HOMER2: variants seen among roughly 807,000 people sequenced by gnomAD.
The protein encoded by HOMER2 is homer scaffold protein 2.
HOMER2 carries 27 observed loss-of-function variants against 47.0 expected under a neutral mutation model. That is an observed-to-expected ratio of 0.57 (90% CI 0.42 to 0.79). The LOEUF is 0.79. Among genes scored for constraint, HOMER2 ranks in the 30% least tolerant of loss-of-function variants. HOMER2 has a pLI of 0.00. For missense variants in HOMER2, 443 were observed against 435.0 expected, an observed-to-expected ratio of 1.02 and a Z score of -0.16; for synonymous variants, 161 against 163.8, an observed-to-expected ratio of 0.98 and a Z score of 0.13.
chr15:82,935,077 G>GC (rs201422289), intron 1 of HOMER2, among the ~76,000 whole-genome samples: 2,441 of 152,082 alleles, frequency 0.016, 35 homozygotes, highest in African/African-American at 0.031. Flanking sequence ...GGGCTCCTCT[G>GC]CCCCCCGCCT....
Position 82,864,318 on chromosome 15 carries a change from G to A in HOMER2, c.295-59C>T, listed in dbSNP as rs962729928. The stretch of plus-strand genomic sequence containing the variant: ...TAACCTCACTCATGGCTGGTATTCA[G>A]AACCCACCTTTATTTATTTTGCATC... On this transcript the variant is annotated intron_variant, in intron 3 of 8. Transcript: ENST00000450735. 1.8e-5 allele frequency: 20 copies of A among 1,130,058 alleles called. No individual in the cohort carries two copies. The South Asian group carries it at 2.5e-4, about 14-fold the overall frequency. The allele number at this position is 1,130,058 out of a possible 1,614,324, so 70.0% of individuals were successfully genotyped here. A position where few individuals can be genotyped will look rare whatever the true frequency, so the allele number is the denominator to read the frequency against.
At chr15:82,901,466 T>A (rs947747217) in intron 1 of HOMER2, among the ~76,000 whole-genome samples, 2 of 152,164 alleles carry the variant, frequency 1.3e-5, no homozygotes, top group Admixed American at 6.5e-5. Context: ...ACAGCACCCC[T>A]GAACCCCTGC....
intron 1 of HOMER2, among the ~76,000 whole-genome samples, chr15:82,935,127 C>A (rs1037922088): frequency 2.6e-5 from 4 of 152,212 alleles, no homozygotes; most frequent in African/African-American, 9.6e-5. Context: ...CCTGCTGCAT[C>A]TCCTGCCTTC....
At chr15:82,945,978 T>TA (rs947562494) in intron 1 of HOMER2, among the ~76,000 whole-genome samples, 235 of 136,696 alleles carry the variant, frequency 1.7e-3, no homozygotes, top group African/African-American at 4.3e-3. Flanking sequence ...TCAAAAACAT[T>TA]AAAAAAAAAA....
rs1178780121 is a variant in HOMER2 at position 82,849,223 on chromosome 15, T to G, written c.*492A>C. ...CTTGTTTTCCATCTCTCAGAAAGTT[T>G]CCACTAAACAGTTGTTTTAAAGCCT... On this transcript the variant is annotated 3_prime_UTR_variant, in exon 9 of 9. Coordinates refer to ENST00000450735, the MANE Select transcript of HOMER2 (RefSeq NM_004839.4). 1 of 152,374 alleles carries G rather than the reference T, an allele frequency of 6.6e-6. No homozygotes were observed. The highest frequency in any genetic ancestry group is 1.5e-5 in the Non-Finnish European group (1 of 68,382). The allele number at this position is 152,374 out of a possible 1,614,324, so 9.4% of individuals were successfully genotyped here.
At chr15:82,852,060 T>C (rs1276999172) in intron 7 of HOMER2, 82 bp downstream of exon 7, 1 of 878,358 alleles carries the variant, frequency 1.1e-6, no homozygotes, top group African/African-American at 1.7e-5. Context: ...GGGCCAGTCA[T>C]AGGCCCCAAG....
chr15:82,854,496 G>C, intron 6 of HOMER2, 148 bp downstream of exon 6: 1 of 693,490 alleles, frequency 1.4e-6, no homozygotes, highest in East Asian at 2.8e-5. Context: ...GGAGGGGGAG[G>C]GACGTTCCCA....
chr15:82,864,411 T>G (rs2051896407), intron 3 of HOMER2, among the ~76,000 whole-genome samples, 152 bp from the exon 4 acceptor site: 1 of 152,228 alleles, frequency 6.6e-6, no homozygotes, highest in Non-Finnish European at 1.5e-5. Context: ...AATATAAGGA[T>G]GTATATTCCA....
intron 1 of HOMER2, among the ~76,000 whole-genome samples, chr15:82,914,178 TACACACACACACACACACACACAC>T (rs58323062): frequency 4.3e-5 from 5 of 116,758 alleles, no homozygotes; most frequent in East Asian, 2.7e-4. Flanking sequence ...CTACTAAAAA[TACACACACACACACACACACACAC>T]ACACACACAC....
intron 1 of HOMER2, among the ~76,000 whole-genome samples, chr15:82,963,170 G>C (rs2054646154): frequency 6.6e-6 from 1 of 152,126 alleles, no homozygotes; most frequent in Non-Finnish European, 1.5e-5. Flanking sequence ...CTGCAGCCTT[G>C]AACACCTGGG....
At chr15:82,940,476 G>C (rs901349662) in intron 1 of HOMER2, among the ~76,000 whole-genome samples, 3 of 152,180 alleles carry the variant, frequency 2.0e-5, no homozygotes, top group African/African-American at 7.2e-5. Flanking sequence ...GGGCGTGGTG[G>C]GTCACGCCTG....
downstream of HOMER2, chr15:82,844,752 C>T (rs894864701): frequency 6.6e-6 from 1 of 152,206 alleles, no homozygotes; most frequent in East Asian, 1.9e-4. Flanking sequence ...CCACTCCACT[C>T]TTCTCATTAA....
chr15:82,905,905 T>TA, intron 1 of HOMER2, among the ~76,000 whole-genome samples: 1 of 152,314 alleles, frequency 6.6e-6, no homozygotes, highest in East Asian at 1.9e-4. Context: ...GAAGGTAGCA[T>TA]AAAAACTTTT....
chr15:82,878,869 C>G (rs955243164), intron 2 of HOMER2, among the ~76,000 whole-genome samples: 5 of 152,222 alleles, frequency 3.3e-5, no homozygotes. Context: ...CTCAACCAAT[C>G]CATCTGCCTC....
chr15:82,957,253 C>T (rs1193602168), upstream of HOMER2, among the ~76,000 whole-genome samples: 3 of 147,238 alleles, frequency 2.0e-5, no homozygotes, highest in South Asian at 2.1e-4. Flanking sequence ...CACTCTAGCA[C>T]GGGCAACAGA....
chr15:82,871,276 G>A (rs368640015), intron 3 of HOMER2, among the ~76,000 whole-genome samples: 26 of 152,298 alleles, frequency 1.7e-4, no homozygotes, highest in Non-Finnish European at 3.5e-4. Flanking sequence ...TTTCTTTCTG[G>A]GGGGTAGAGA....
At chr15:82,967,879 GA>G (rs71156063) in intron 1 of HOMER2, among the ~76,000 whole-genome samples, 7 of 141,992 alleles carry the variant, frequency 4.9e-5, no homozygotes, top group South Asian at 2.5e-4. Context: ...TCTGTCTCAG[GA>G]AAAAAAAAAC....
At chr15:82,870,189 G>A (rs1467679733) in intron 3 of HOMER2, among the ~76,000 whole-genome samples, 1 of 152,150 alleles carries the variant, frequency 6.6e-6, no homozygotes, top group Non-Finnish European at 1.5e-5. Context: ...TTCTTTTCCC[G>A]TAGCTTAACA....
chr15:82,927,133 T>C (rs528668840), intron 1 of HOMER2, among the ~76,000 whole-genome samples: 103 of 152,280 alleles, frequency 6.8e-4, no homozygotes, highest in Admixed American at 1.5e-3. Context: ...ATTCAGGCTC[T>C]AGCACATATG....
Sources: gnomAD v4.1 joint callset for allele counts (sites outside exome capture counted in the v4.1 genomes callset) on GRCh38, gnomAD v4.1.1 for gene constraint, MANE v1.5 for transcripts, NCBI Gene and HGNC (gene_info 2026-07-23, HGNC 2026-07-21) for gene names.